The following TBC1D5 variants were observed in gnomAD, a reference collection of about 807,000 sequenced individuals.
TBC1D5 encodes the protein TBC1 domain family, member 5.
A neutral mutation model predicts 100.3 loss-of-function variants in TBC1D5; 75 were observed. That is an observed-to-expected ratio of 0.75 (90% CI 0.62 to 0.91). The LOEUF is 0.91. Among genes scored for constraint, TBC1D5 ranks in the 40% least tolerant of loss-of-function variants. The pLI is 0.00. For synonymous variants in TBC1D5, 323 were observed against 325.6 expected (o/e 0.99, Z 0.09); for missense variants, 910 against 942.4 (o/e 0.97, Z 0.45).
intron 13 of TBC1D5, among the ~76,000 whole-genome samples, chr3:17,360,454 A>G (rs1469672226): frequency 6.6e-6 from 1 of 152,022 alleles, no homozygotes; most frequent in Non-Finnish European, 1.5e-5. Context: ...AAGGATATTT[A>G]CTACCTTTTT....
chr3:17,710,364 A>G (rs1019677252), intron 1 of TBC1D5, among the ~76,000 whole-genome samples: 2 of 152,082 alleles, frequency 1.3e-5, no homozygotes, highest in African/African-American at 2.4e-5. Context: ...CAGGAGTTCA[A>G]GACCAGCCTG....
At chr3:17,164,159 C>T (rs1055614390) in intron 21 of TBC1D5, among the ~76,000 whole-genome samples, 12 of 152,160 alleles carry the variant, frequency 7.9e-5, no homozygotes, top group South Asian at 4.1e-4. Context: ...ACAGAAAGAA[C>T]ACTATGAGCC....
chr3:17,695,056 T>C (rs909855729), intron 1 of TBC1D5, among the ~76,000 whole-genome samples: 7 of 152,150 alleles, frequency 4.6e-5, no homozygotes, highest in Admixed American at 4.6e-4. Flanking sequence ...TGAGAGATTC[T>C]GTCACCACCA....
intron 1 of TBC1D5, among the ~76,000 whole-genome samples, chr3:17,706,448 C>T (rs1368311682): frequency 6.6e-6 from 1 of 151,082 alleles, no homozygotes; most frequent in African/African-American, 2.5e-5. Context: ...CACGCGCGCG[C>T]ACACCCCACT....
At chr3:17,201,513 T>C (rs1310754167) in intron 18 of TBC1D5, among the ~76,000 whole-genome samples, 1 of 152,184 alleles carries the variant, frequency 6.6e-6, no homozygotes, top group Non-Finnish European at 1.5e-5. Flanking sequence ...CCTGATATGG[T>C]TTGGATTTGT....
intron 1 of TBC1D5, among the ~76,000 whole-genome samples, chr3:17,697,464 GACAA>G (rs1197376020): frequency 1.8e-4 from 28 of 152,112 alleles, no homozygotes; most frequent in Admixed American, 1.3e-3. Context: ...ACAAATAACA[GACAA>G]ACAGAGAGCC....
intron 18 of TBC1D5, among the ~76,000 whole-genome samples, chr3:17,196,526 G>C (rs1348341935): frequency 6.6e-6 from 1 of 152,236 alleles, no homozygotes; most frequent in Non-Finnish European, 1.5e-5. Flanking sequence ...AACAGGGTGA[G>C]ACTGTAAAGG....
intron 3 of TBC1D5, among the ~76,000 whole-genome samples, chr3:17,437,311 C>T (rs1447848287): frequency 6.6e-6 from 1 of 152,124 alleles, no homozygotes; most frequent in African/African-American, 2.4e-5. Context: ...ACTAAGATAA[C>T]ACATAATAAC....
intron 8 of TBC1D5, among the ~76,000 whole-genome samples, chr3:17,398,870 A>T (rs926386269): frequency 3.3e-5 from 5 of 152,142 alleles, no homozygotes; most frequent in African/African-American, 1.2e-4. Flanking sequence ...AGATGGACCT[A>T]AATAAATAAA....
intron 1 of TBC1D5, among the ~76,000 whole-genome samples, chr3:17,673,055 A>T (rs903719916): frequency 2.6e-5 from 4 of 152,246 alleles, no homozygotes; most frequent in Admixed American, 6.5e-5. Flanking sequence ...ATGGCTAAGA[A>T]GGAAAAAAAT....
chr3:17,289,105 C>T (rs1265720928), intron 15 of TBC1D5, among the ~76,000 whole-genome samples: 1 of 152,242 alleles, frequency 6.6e-6, no homozygotes, highest in Non-Finnish European at 1.5e-5. Context: ...CCAGAGTCTA[C>T]CATGGGAGTG....
At chr3:17,601,265 CT>C (rs796170009) in intron 2 of TBC1D5, among the ~76,000 whole-genome samples, 39 of 152,288 alleles carry the variant, frequency 2.6e-4, no homozygotes, top group African/African-American at 8.7e-4. Context: ...AATCCCAGCA[CT>C]TTGGGAGGCC....
intron 1 of TBC1D5, among the ~76,000 whole-genome samples, chr3:17,734,044 G>C (rs904329012): frequency 1.3e-5 from 2 of 152,074 alleles, no homozygotes; most frequent in African/African-American, 2.4e-5. Flanking sequence ...CAGATCTTTT[G>C]ACCCAGCAAT....
At chr3:17,394,937 T>G (rs547490758) in intron 8 of TBC1D5, among the ~76,000 whole-genome samples, 3 of 152,010 alleles carry the variant, frequency 2.0e-5, no homozygotes, top group South Asian at 2.1e-4. Flanking sequence ...ATACAGAATT[T>G]TTTAAAGTGA....
intron 4 of TBC1D5, among the ~76,000 whole-genome samples, chr3:17,426,730 A>T (rs73161422): frequency 0.091 from 13,869 of 152,076 alleles, 1,431 homozygotes; most frequent in African/African-American, 0.26. Context: ...AAAACCCACA[A>T]GATAATACTA....
chr3:17,737,633 C>T (rs78750395), intron 1 of TBC1D5, among the ~76,000 whole-genome samples: 1,740 of 152,180 alleles, frequency 0.011, 34 homozygotes, highest in African/African-American at 0.039. Flanking sequence ...TTTAGACATA[C>T]ATACACACTA....
At chr3:17,282,735 AC>A (rs2080747183) in intron 15 of TBC1D5, among the ~76,000 whole-genome samples, 1 of 152,234 alleles carries the variant, frequency 6.6e-6, no homozygotes, top group South Asian at 2.1e-4. Flanking sequence ...GCCATGAACA[AC>A]TATTACACAC....
intron 15 of TBC1D5, among the ~76,000 whole-genome samples, chr3:17,261,734 G>T (rs1373679402): frequency 6.6e-6 from 1 of 152,028 alleles, no homozygotes; most frequent in Non-Finnish European, 1.5e-5. Context: ...TGCTGCCCAG[G>T]CTGGTCTTGA....
intron 13 of TBC1D5, among the ~76,000 whole-genome samples, chr3:17,352,445 G>T (rs903806311): frequency 6.6e-6 from 1 of 151,732 alleles, no homozygotes; most frequent in Admixed American, 6.6e-5. Context: ...TAAAAGAAGA[G>T]AAATAAATTT....
Sources: allele counts gnomAD v4.1 joint callset (sites outside exome capture counted in the v4.1 genomes callset), GRCh38; gene constraint gnomAD v4.1.1; transcripts MANE v1.5; gene names NCBI Gene and HGNC (gene_info 2026-07-23, HGNC 2026-07-21).